Variants in PEBP4 observed in about 807,000 individuals in gnomAD.
PEBP4 encodes phosphatidylethanolamine-binding protein 4.
PEBP4 carries 22 observed loss-of-function variants against 23.9 expected under a neutral mutation model. That is an observed-to-expected ratio of 0.92 (90% CI 0.66 to 1.31). The LOEUF is 1.31. Among genes scored for constraint, PEBP4 ranks in the 40% most tolerant of loss-of-function variants. PEBP4 has a pLI of 0.00. For synonymous variants in PEBP4, 112 were observed against 99.3 expected (o/e 1.13, Z -0.76); for missense variants, 324 against 281.7 (o/e 1.15, Z -1.07).
rs185760196 is a variant in PEBP4, at chr8:22,800,954, C to T, written c.357+16683G>A. Among the ~76,000 whole-genome samples the T allele has an allele frequency of 5.5e-3, 843 of 152,124 alleles. 25 individuals carry two copies. Among genetic ancestry groups the T allele is most frequent in the Non-Finnish European group, 1.1e-3 (76 of 67,984 alleles). On this transcript the variant is annotated intron_variant, in intron 4 of 6. Transcript: ENST00000256404. ...CTTGGACACTTTCCTCCTTGCCTACCCCAATCCTACCCACCTTCACGGCCC... is the reference window on the plus strand; with the variant it reads ...CTTGGACACTTTCCTCCTTGCCTACTCCAATCCTACCCACCTTCACGGCCC...
intron 3 of PEBP4, among the ~76,000 whole-genome samples, chr8:22,916,759 C>A (rs371414730): frequency 6.6e-6 from 1 of 152,244 alleles, no homozygotes; most frequent in African/African-American, 2.4e-5. Flanking sequence ...GTGGGGCCCA[C>A]GGGTGACTCA....
chr8:22,756,970 C>T (rs1805397201), intron 4 of PEBP4: 2 of 152,244 alleles, frequency 1.3e-5, no homozygotes, highest in African/African-American at 4.8e-5. Flanking sequence ...AAAGGAAGCT[C>T]TCAGAACGCC....
chr8:22,858,375 T>C (rs942894017), intron 3 of PEBP4, among the ~76,000 whole-genome samples: 1 of 152,226 alleles, frequency 6.6e-6, no homozygotes, highest in Non-Finnish European at 1.5e-5. Flanking sequence ...AATCTCAGAA[T>C]GAGAATTTCC....
At chr8:22,875,405 C>T (rs1037155986) in intron 3 of PEBP4, among the ~76,000 whole-genome samples, 8 of 151,912 alleles carry the variant, frequency 5.3e-5, no homozygotes, top group African/African-American at 1.9e-4. Context: ...GTTTGTTGTG[C>T]GGATTACTTC....
At chr8:22,899,432 T>C (rs901130829) in intron 3 of PEBP4, among the ~76,000 whole-genome samples, 1 of 152,174 alleles carries the variant, frequency 6.6e-6, no homozygotes, top group Non-Finnish European at 1.5e-5. Flanking sequence ...TCCAAAATCA[T>C]TAATTCGGAA....
intron 3 of PEBP4, among the ~76,000 whole-genome samples, chr8:22,896,786 C>T (rs11779064): frequency 0.19 from 29,552 of 151,882 alleles, 3,314 homozygotes; most frequent in Non-Finnish European, 0.26. Flanking sequence ...TGTTATATGA[C>T]GCCTTAAAAT....
At chr8:22,748,113 G>A (rs1399085396) in intron 4 of PEBP4, among the ~76,000 whole-genome samples, 1 of 152,224 alleles carries the variant, frequency 6.6e-6, no homozygotes, top group Admixed American at 6.5e-5. Context: ...CACCCGGGCA[G>A]GGAGGTGTGA....
At chr8:22,925,037 C>A in intron 2 of PEBP4, 1 of 985,290 alleles carries the variant, frequency 1.0e-6, no homozygotes, top group Non-Finnish European at 1.2e-6. Flanking sequence ...AGAGCCTGAG[C>A]CGAGTGGGGA....
At chr8:22,826,314 G>A (rs1248319568) in intron 3 of PEBP4, among the ~76,000 whole-genome samples, 6 of 152,198 alleles carry the variant, frequency 3.9e-5, no homozygotes, top group South Asian at 2.1e-4. Context: ...GCAAGGCTGC[G>A]GGGAAACTGA....
At chr8:22,730,370 G>A (rs574861328) in intron 4 of PEBP4, among the ~76,000 whole-genome samples, 36 of 152,264 alleles carry the variant, frequency 2.4e-4, no homozygotes, top group Admixed American at 1.1e-3. Context: ...GCAAAACCTC[G>A]TCTCTACAAA....
chr8:22,838,610 G>A (rs750437513), intron 3 of PEBP4, among the ~76,000 whole-genome samples: 1 of 152,256 alleles, frequency 6.6e-6, no homozygotes, highest in Non-Finnish European at 1.5e-5. Flanking sequence ...GGCTAGGGCC[G>A]GCAAGTTCAG....
rs375294980 is a variant in PEBP4, at chr8:22,758,582, C to T, written c.358-31362G>A. ...GAAAAGCCCGCAGCCCAGTTTTGCA[C>T]TTGCCTGGCTGTATGCTGTTAGGCC... On this transcript the variant is annotated intron_variant, in intron 4 of 6. Transcript: ENST00000256404. 4.7e-3 allele frequency among the ~76,000 whole-genome samples: 710 copies of T among 152,306 alleles called. 6 individuals are homozygous for T. Among genetic ancestry groups the T allele is most frequent in the African/African-American group, 0.016 (683 of 41,548 alleles).
chr8:22,716,603 G>C (rs554202875), intron 6 of PEBP4, among the ~76,000 whole-genome samples: 2 of 152,234 alleles, frequency 1.3e-5, no homozygotes, highest in South Asian at 4.1e-4. Flanking sequence ...TCCACCCCAA[G>C]CTTCCCAAAT....
chr8:22,786,786 G>A (rs765558747), intron 4 of PEBP4, among the ~76,000 whole-genome samples: 2 of 151,566 alleles, frequency 1.3e-5, no homozygotes, highest in Non-Finnish European at 2.9e-5. Context: ...CAATATCCAG[G>A]GAATCCTATG....
chr8:22,819,521 G>A (rs1403295428), intron 3 of PEBP4, among the ~76,000 whole-genome samples: 1 of 152,182 alleles, frequency 6.6e-6, no homozygotes. Context: ...ATCATAAAAA[G>A]GGAAATTTTG....
At chr8:22,776,742 T>A (rs1805821509) in intron 4 of PEBP4, among the ~76,000 whole-genome samples, 1 of 149,860 alleles carries the variant, frequency 6.7e-6, no homozygotes, top group South Asian at 2.2e-4. Flanking sequence ...TTGATATGGA[T>A]GGGAGAAGGA....
chr8:22,869,503 A>T (rs576586115), intron 3 of PEBP4, among the ~76,000 whole-genome samples: 7 of 152,296 alleles, frequency 4.6e-5, no homozygotes, highest in Admixed American at 1.3e-4. Flanking sequence ...TTACAGGCTC[A>T]TGGACTTTCC....
At chr8:22,917,285 C>T (rs1809097832) in intron 3 of PEBP4, among the ~76,000 whole-genome samples, 1 of 152,152 alleles carries the variant, frequency 6.6e-6, no homozygotes, top group Non-Finnish European at 1.5e-5. Context: ...CTTCTCTGTC[C>T]TAAACACTCA....
At chr8:22,742,719 G>A (rs1225565656) in intron 4 of PEBP4, among the ~76,000 whole-genome samples, 2 of 152,172 alleles carry the variant, frequency 1.3e-5, no homozygotes, top group South Asian at 2.1e-4. Flanking sequence ...CCTGATCATC[G>A]CCTTGTGGAA....
Sources: gnomAD v4.1 joint callset for allele counts (sites outside exome capture counted in the v4.1 genomes callset) on GRCh38, gnomAD v4.1.1 for gene constraint, MANE v1.5 for transcripts, NCBI Gene and HGNC (gene_info 2026-07-23, HGNC 2026-07-21) for gene names.